Variants in STK3 observed in about 807,000 individuals in gnomAD.
STK3 encodes the protein serine/threonine-protein kinase 3.
Under a neutral mutation model 58.0 loss-of-function variants are expected in STK3, and 41 were observed. The ratio of observed to expected loss-of-function variants is 0.71; its 90% CI spans 0.55 to 0.92. STK3 has a LOEUF of 0.92. Ranked by LOEUF, STK3 falls within the 40% of genes least tolerant of loss-of-function variation. The probability of loss-of-function intolerance (pLI) is 0.00; values close to 1 mark genes in which losing one functional copy is unlikely to be tolerated. For synonymous variants in STK3, 170 were observed against 191.0 expected (o/e 0.89, Z 0.91); for missense variants, 479 against 602.7 (o/e 0.79, Z 2.15).
At chr8:98,469,256 GGC>G (rs34117059) in intron 10 of STK3, among the ~76,000 whole-genome samples, 46,721 of 137,312 alleles carry the variant, frequency 0.34, 8,519 homozygotes, top group Admixed American at 0.48. Context: ...TCTTTGCGGG[GGC>G]GGGGGGGCGG....
intron 3 of STK3, among the ~76,000 whole-genome samples, chr8:98,861,039 G>C (rs1363645743): frequency 6.6e-6 from 1 of 152,044 alleles, no homozygotes; most frequent in East Asian, 1.9e-4. Context: ...CAGCCTGGGG[G>C]ACAGAGCAAG....
intron 7 of STK3, among the ~76,000 whole-genome samples, chr8:98,591,351 G>A (rs981863556): frequency 1.3e-5 from 2 of 152,314 alleles, no homozygotes; most frequent in African/African-American, 4.8e-5. Flanking sequence ...ACTAATGTAT[G>A]TGTTCTGGGC....
chr8:98,429,666 T>TCA (rs1193550531), intron 3 of STK3: 1 of 486,978 alleles, frequency 2.1e-6, no homozygotes, highest in East Asian at 3.2e-5. Flanking sequence ...CATAAAATGT[T>TCA]CACCTTTTTG....
chr8:98,748,837 A>G (rs1305176140), intron 4 of STK3, among the ~76,000 whole-genome samples: 2 of 151,880 alleles, frequency 1.3e-5, no homozygotes, highest in Non-Finnish European at 1.5e-5. Flanking sequence ...AAATACAAAA[A>G]TGTTTTTTTT....
At chr8:98,367,175 T>C (rs1450074236), downstream of STK3, among the ~76,000 whole-genome samples, 1 of 152,252 alleles carries the variant, frequency 6.6e-6, no homozygotes, top group African/African-American at 2.4e-5. Context: ...AGATTAGATA[T>C]GTGAAAGCAC....
At chr8:98,543,090 A>G (rs1810422638) in intron 9 of STK3, among the ~76,000 whole-genome samples, 1 of 152,154 alleles carries the variant, frequency 6.6e-6, no homozygotes, top group Non-Finnish European at 1.5e-5. Flanking sequence ...CTTATTCCTA[A>G]CCTGGGGTTG....
Position 98,774,731 on chromosome 8 carries a change from GTACT to G in STK3, c.107+4_107+7del. On this transcript the variant is annotated splice_donor_5th_base_variant and intron_variant, in intron 2 of 10. Coordinates refer to ENST00000419617, the MANE Select transcript of STK3 (RefSeq NM_006281.4). Reference sequence around the variant, plus strand: ...TTATTTACATGCTTTCATACTTTTTGTACTTACCCTTCTCCAAGCTTCTCTAATA... The same window carrying G: ...TTATTTACATGCTTTCATACTTTTTGTACCCTTCTCCAAGCTTCTCTAATA... 1 of 1,563,620 alleles carries G rather than the reference GTACT, an allele frequency of 6.4e-7. No individual in the cohort carries two copies. Among genetic ancestry groups the G allele is most frequent in the South Asian group, 1.2e-5 (1 of 81,824 alleles).
chr8:98,814,717 C>T (rs1834439659), intron 1 of STK3, among the ~76,000 whole-genome samples: 1 of 152,284 alleles, frequency 6.6e-6, no homozygotes, highest in African/African-American at 2.4e-5. Context: ...CAGGGTCTCA[C>T]TCTGTAGCCC....
chr8:98,687,511 G>A (rs1050932564), intron 6 of STK3, among the ~76,000 whole-genome samples: 1 of 152,180 alleles, frequency 6.6e-6, no homozygotes, highest in Admixed American at 6.5e-5. Flanking sequence ...TCATGGACCG[G>A]TACCAGTCTG....
At chr8:98,926,606 G>A (rs1023133387) in intron 1 of STK3, among the ~76,000 whole-genome samples, 1 of 152,116 alleles carries the variant, frequency 6.6e-6, no homozygotes, top group African/African-American at 2.4e-5. Flanking sequence ...AGGGAAATGG[G>A]AAGAGGTTTT....
intron 4 of STK3, among the ~76,000 whole-genome samples, chr8:98,732,067 T>C (rs1202205865): frequency 6.6e-6 from 1 of 151,916 alleles, no homozygotes; most frequent in African/African-American, 2.4e-5. Flanking sequence ...GTAATTAAAA[T>C]ATAACTGCTA....
intron 10 of STK3, among the ~76,000 whole-genome samples, chr8:98,510,820 T>G (rs1270824579): frequency 6.6e-6 from 1 of 152,062 alleles, no homozygotes; most frequent in Non-Finnish European, 1.5e-5. Context: ...TGACATAAAA[T>G]AGGTAAAATA....
At chr8:98,876,134 G>T (rs1367520965) in intron 3 of STK3, among the ~76,000 whole-genome samples, 1 of 152,158 alleles carries the variant, frequency 6.6e-6, no homozygotes, top group Non-Finnish European at 1.5e-5. Context: ...AATCCCTTCT[G>T]GGGTACAACA....
At chr8:98,784,038 C>G (rs781188300) in intron 1 of STK3, among the ~76,000 whole-genome samples, 2 of 152,230 alleles carry the variant, frequency 1.3e-5, no homozygotes, top group African/African-American at 4.8e-5. Flanking sequence ...CACTTTTCCA[C>G]TGGAGATCTG....
intron 6 of STK3, among the ~76,000 whole-genome samples, chr8:98,701,253 G>A (rs556209977): frequency 6.8e-6 from 1 of 148,004 alleles, no homozygotes; most frequent in South Asian, 2.1e-4. Context: ...AAGAAAGAGG[G>A]AAGGAAGGAC....
At chr8:98,457,940 A>G (rs1280137236) in intron 10 of STK3, among the ~76,000 whole-genome samples, 1 of 152,200 alleles carries the variant, frequency 6.6e-6, no homozygotes, top group East Asian at 1.9e-4. Context: ...TTCCTTTAAC[A>G]GATTTTTATA....
chr8:98,873,336 CTGTAGA>C (rs1194098645), intron 3 of STK3, among the ~76,000 whole-genome samples: 3 of 152,166 alleles, frequency 2.0e-5, no homozygotes, highest in African/African-American at 7.2e-5. Flanking sequence ...GTGGAGAGTT[CTGTAGA>C]TGTCTATTAG....
chr8:98,608,969 T>G (rs1473968697), intron 6 of STK3, among the ~76,000 whole-genome samples: 2 of 152,214 alleles, frequency 1.3e-5, no homozygotes, highest in Non-Finnish European at 2.9e-5. Context: ...TGAACTTGGT[T>G]AAGTCCATCC....
At chr8:98,920,626 T>A (rs540017684) in intron 1 of STK3, among the ~76,000 whole-genome samples, 2 of 152,334 alleles carry the variant, frequency 1.3e-5, no homozygotes, top group East Asian at 3.9e-4. Context: ...GCTTTGTTCT[T>A]TGATTTTTCC....
Sources: allele counts gnomAD v4.1 joint callset (sites outside exome capture counted in the v4.1 genomes callset), GRCh38; gene constraint gnomAD v4.1.1; transcripts MANE v1.5; gene names NCBI Gene and HGNC (gene_info 2026-07-23, HGNC 2026-07-21).